Variants in IQCM observed in about 807,000 individuals in gnomAD.
The protein encoded by IQCM is IQ motif containing M.
Under a neutral mutation model 57.6 loss-of-function variants are expected in IQCM, and 45 were observed. The ratio of observed to expected loss-of-function variants is 0.78; its 90% CI spans 0.62 to 1.00. The LOEUF (loss-of-function observed/expected upper bound fraction) is 1.00. IQCM is among the 50% of genes least tolerant of loss of function. IQCM has a pLI of 0.00. For missense variants in IQCM, 468 were observed against 511.6 expected (o/e 0.91, Z 0.82); for synonymous variants, 148 against 158.9 (o/e 0.93, Z 0.51).
intron 5 of IQCM, among the ~76,000 whole-genome samples, chr4:149,721,741 C>T (rs1765466583): frequency 6.6e-6 from 1 of 152,088 alleles, no homozygotes; most frequent in East Asian, 1.9e-4. Context: ...GTGAATTGTG[C>T]TATGATAAAC....
At chr4:149,754,520 G>C (rs1030773041) in intron 2 of IQCM, among the ~76,000 whole-genome samples, 2 of 152,190 alleles carry the variant, frequency 1.3e-5, no homozygotes, top group African/African-American at 4.8e-5. Flanking sequence ...CTTTCATGCT[G>C]TTAAATCTAA....
At chr4:149,617,848 A>T (rs886600087) in intron 8 of IQCM, among the ~76,000 whole-genome samples, 3 of 152,196 alleles carry the variant, frequency 2.0e-5, no homozygotes, top group African/African-American at 7.2e-5. Context: ...TGATGAAAGA[A>T]ATCATAGATG....
intron 5 of IQCM, among the ~76,000 whole-genome samples, chr4:149,722,558 T>C (rs1765541201): frequency 6.6e-6 from 1 of 152,096 alleles, no homozygotes; most frequent in African/African-American, 2.4e-5. Context: ...CTTTCTCCAG[T>C]GTATGCTTTC....
intron 7 of IQCM, among the ~76,000 whole-genome samples, chr4:149,658,227 A>T (rs944351610): frequency 1.3e-5 from 2 of 150,174 alleles, no homozygotes; most frequent in African/African-American, 2.5e-5. Flanking sequence ...TAGATATCCA[A>T]TTTCCCACCA....
At chr4:149,632,019 T>A (rs955584454) in intron 7 of IQCM, among the ~76,000 whole-genome samples, 1 of 152,200 alleles carries the variant, frequency 6.6e-6, no homozygotes, top group African/African-American at 2.4e-5. Context: ...ATCTTACATG[T>A]TAACAGTTTA....
At position 149,655,328 on chromosome 4, in the gene IQCM, T is replaced by C. The variant is rs2150141788; in HGVS notation, c.565+26790A>G. Among the ~76,000 whole-genome samples, 3 of 152,274 alleles carry C rather than the reference T, an allele frequency of 2.0e-5. No individual in the cohort carries two copies. In the South Asian group the frequency reaches 6.2e-4, roughly 32 times the overall value. On this transcript the variant is annotated intron_variant, in intron 7 of 13. Transcript: ENST00000636793. ...ATTTCAGACATAAAAATTCTTGTAA[T>C]GGATTTAAAACTCTTTTCTTACATC...
chr4:149,465,688 T>C (rs192539355), intron 12 of IQCM, among the ~76,000 whole-genome samples: 117 of 152,070 alleles, frequency 7.7e-4, no homozygotes, highest in African/African-American at 2.6e-3. Context: ...TGAAAAAGAT[T>C]CCAGAAAATT....
chr4:149,408,143 C>A (rs1733114955), intron 13 of IQCM, among the ~76,000 whole-genome samples: 1 of 151,770 alleles, frequency 6.6e-6, no homozygotes, highest in Non-Finnish European at 1.5e-5. Context: ...TCATTTTGTA[C>A]CCCATAAATT....
intron 7 of IQCM, among the ~76,000 whole-genome samples, chr4:149,670,054 A>G (rs1048289979): frequency 2.6e-5 from 4 of 152,164 alleles, no homozygotes; most frequent in African/African-American, 4.8e-5. Context: ...TTGAATCTAT[A>G]AATTACCTTG....
intron 8 of IQCM, among the ~76,000 whole-genome samples, chr4:149,606,807 C>T (rs1579675604): frequency 6.6e-6 from 1 of 151,996 alleles, no homozygotes; most frequent in East Asian, 1.9e-4. Flanking sequence ...TGCAGAATTG[C>T]TCAAGCAGGA....
chr4:149,438,662 A>G lies in IQCM; in HGVS notation c.1229-5105T>C, dbSNP rs75002321. Among the ~76,000 whole-genome samples, 3 of 152,200 alleles carry G rather than the reference A, an allele frequency of 2.0e-5. No individual in the cohort carries two copies. The East Asian group carries it at 5.8e-4, about 29-fold the overall frequency. On this transcript the variant is annotated intron_variant, in intron 12 of 13. Coordinates refer to ENST00000636793, the MANE Select transcript of IQCM (RefSeq NM_001363507.2). ...GGATACAAAGTTATCAATATGAAAA[A>G]TTACGTACTTCTTGAGCAAGGAAAT...
chr4:149,402,501 T>C (rs1331524244), intron 13 of IQCM, among the ~76,000 whole-genome samples: 3 of 151,810 alleles, frequency 2.0e-5, no homozygotes, highest in African/African-American at 7.2e-5. Flanking sequence ...CCATGATCAA[T>C]TATTTCTTCC....
At chr4:149,521,237 C>T (rs1196106599) in intron 12 of IQCM, among the ~76,000 whole-genome samples, 2 of 151,616 alleles carry the variant, frequency 1.3e-5, no homozygotes, top group Non-Finnish European at 2.9e-5. Context: ...TCTTTCTTAG[C>T]CCCCATGCAT....
chr4:149,615,173 T>C (rs1011549004), intron 8 of IQCM, among the ~76,000 whole-genome samples: 1 of 152,158 alleles, frequency 6.6e-6, no homozygotes, highest in African/African-American at 2.4e-5. Context: ...CTACATTATA[T>C]GTTCCATGAT....
At chr4:149,676,698 G>A (rs1006263232) in intron 7 of IQCM, among the ~76,000 whole-genome samples, 12 of 151,998 alleles carry the variant, frequency 7.9e-5, no homozygotes, top group Non-Finnish European at 1.5e-4. Flanking sequence ...AAAAGGCAAG[G>A]CTTCAAAAGG....
chr4:149,442,949 CACACAGAGAGAG>C (rs1477504649), intron 12 of IQCM, among the ~76,000 whole-genome samples: 23 of 56,352 alleles, frequency 4.1e-4, no homozygotes, highest in Middle Eastern at 9.4e-3. Flanking sequence ...CACACACACA[CACACAGAGAGAG>C]AGAGAGAGAG....
intron 13 of IQCM, among the ~76,000 whole-genome samples, chr4:149,356,605 T>A (rs1225911706): frequency 6.6e-6 from 1 of 152,188 alleles, no homozygotes; most frequent in Non-Finnish European, 1.5e-5. Context: ...TTGGTCTATA[T>A]CTCTGTTTTG....
chr4:149,778,822 A>T (rs1370960785), intron 2 of IQCM, among the ~76,000 whole-genome samples: 4 of 152,206 alleles, frequency 2.6e-5, no homozygotes, highest in African/African-American at 4.8e-5. Context: ...GAATAGCCTT[A>T]TAATTATTAG....
chr4:149,667,125 C>T (rs574121348), intron 7 of IQCM, among the ~76,000 whole-genome samples: 19 of 152,252 alleles, frequency 1.2e-4, no homozygotes, highest in African/African-American at 4.3e-4. Context: ...CCCCATGCCT[C>T]CTGTCTGGGA....
Sources: allele counts gnomAD v4.1 joint callset (sites outside exome capture counted in the v4.1 genomes callset), GRCh38; gene constraint gnomAD v4.1.1; transcripts MANE v1.5; gene names NCBI Gene and HGNC (gene_info 2026-07-23, HGNC 2026-07-21).